STXBP4: variants seen among roughly 807,000 people sequenced by gnomAD.
STXBP4 encodes the protein syntaxin binding protein 4, also known as syntaxin-binding protein 4.
In STXBP4, 55 loss-of-function variants were observed where a neutral mutation model predicts 76.1. That is an observed-to-expected ratio of 0.72 (90% CI 0.58 to 0.91). The LOEUF is 0.91. STXBP4 is among the 40% of genes least tolerant of loss of function. The pLI is 0.00. For synonymous variants in STXBP4, 201 were observed against 220.2 expected, an observed-to-expected ratio of 0.91 and a Z score of 0.77; for missense variants, 618 against 636.9, an observed-to-expected ratio of 0.97 and a Z score of 0.32.
chr17:55,036,370 A>G (rs2078602339), intron 10 of STXBP4, among the ~76,000 whole-genome samples: 2 of 150,242 alleles, frequency 1.3e-5, no homozygotes, highest in Non-Finnish European at 3.0e-5. Flanking sequence ...TATCTTATAT[A>G]TTTTTAATTA....
At position 54,986,115 on chromosome 17, in the gene STXBP4, A is replaced by G. The variant is rs1359935206; in HGVS notation, c.-78-27A>G. ...AATTTGACAGTTCTAAGACCTGACAATTTATTTTCTACTTCTTCAATCCTA... is the reference window on the plus strand; with the variant it reads ...AATTTGACAGTTCTAAGACCTGACAGTTTATTTTCTACTTCTTCAATCCTA... On this transcript the variant is annotated intron_variant, in intron 2 of 17. Coordinates refer to ENST00000376352, the MANE Select transcript of STXBP4 (RefSeq NM_178509.6). 10 of 988,628 alleles carry G rather than the reference A, an allele frequency of 1.0e-5. No individual in the cohort carries two copies. The African/African-American group carries it at 1.6e-4, about 16-fold the overall frequency. 61.2% of individuals were successfully genotyped at this position (988,628 alleles called of 1,614,324 possible).
chr17:55,130,204 C>A (rs930474932), intron 16 of STXBP4, among the ~76,000 whole-genome samples: 3 of 152,164 alleles, frequency 2.0e-5, no homozygotes, highest in Non-Finnish European at 4.4e-5. Context: ...TAAAAACTTA[C>A]CCCAGCTGAC....
Position 55,171,285 on chromosome 17 carries a change from T to C in STXBP4, c.*11374T>C, listed in dbSNP as rs1282001847. On this transcript the variant is annotated 3_prime_UTR_variant, in exon 18 of 18. Transcript: ENST00000376352. ...ACAAAATCCTAGAATTGAGGTGAAT[T>C]TGTAAGTTCCTCTAGTCCAACCACC... 1 of 152,202 alleles carries C rather than the reference T, an allele frequency of 6.6e-6. No individual in the cohort carries two copies. The highest frequency in any genetic ancestry group is 6.5e-5 in the Admixed American group (1 of 15,278). 9.4% of individuals were successfully genotyped at this position (152,202 alleles called of 1,614,324 possible). A position where few individuals can be genotyped will look rare whatever the true frequency, so the allele number is the denominator to read the frequency against.
intron 8 of STXBP4, among the ~76,000 whole-genome samples, chr17:55,029,558 T>C (rs1290945151): frequency 1.3e-5 from 2 of 151,410 alleles, no homozygotes; most frequent in Non-Finnish European, 3.0e-5. Flanking sequence ...ATACAGAAGC[T>C]AAAAATCATT....
intron 16 of STXBP4, among the ~76,000 whole-genome samples, chr17:55,126,099 C>T (rs567808579): frequency 7.2e-5 from 11 of 152,128 alleles, no homozygotes; most frequent in African/African-American, 2.6e-4. Flanking sequence ...AATGACCTGC[C>T]AAAACAAAAA....
the STXBP4 span, among the ~76,000 whole-genome samples, chr17:55,184,630 T>G: frequency 1.1e-4 from 17 of 152,352 alleles, 1 homozygote; most frequent in East Asian, 3.3e-3. Flanking sequence ...GAGTATTCTT[T>G]AAAGTAATCT....
chr17:55,094,308 G>T (rs190712385), intron 16 of STXBP4, among the ~76,000 whole-genome samples: 1 of 152,174 alleles, frequency 6.6e-6, no homozygotes, highest in African/African-American at 2.4e-5. Context: ...TTTATTTTAA[G>T]TGTCGTAGGA....
chr17:55,196,159 A>C, the STXBP4 span, among the ~76,000 whole-genome samples: 1 of 152,192 alleles, frequency 6.6e-6, no homozygotes, highest in Non-Finnish European at 1.5e-5. Flanking sequence ...TGGTAGTCTC[A>C]GGAGAGCTGG....
chr17:55,019,337 T>C (rs1360730356), intron 8 of STXBP4, among the ~76,000 whole-genome samples: 1 of 152,182 alleles, frequency 6.6e-6, no homozygotes, highest in Non-Finnish European at 1.5e-5. Flanking sequence ...TTGCTATTCT[T>C]TTAGTGATTT....
intron 16 of STXBP4, among the ~76,000 whole-genome samples, chr17:55,129,814 A>G (rs2079955449): frequency 6.6e-6 from 1 of 152,212 alleles, no homozygotes; most frequent in Admixed American, 6.5e-5. Context: ...CCTGGTGTAC[A>G]CACACCTTCT....
chr17:55,017,073 G>T (rs569785507), intron 8 of STXBP4, among the ~76,000 whole-genome samples: 19 of 152,288 alleles, frequency 1.2e-4, no homozygotes, highest in Non-Finnish European at 2.1e-4. Context: ...GGTAGTATTG[G>T]AGTGTTATAG....
At chr17:55,107,482 G>T (rs191144266) in intron 16 of STXBP4, among the ~76,000 whole-genome samples, 1 of 152,296 alleles carries the variant, frequency 6.6e-6, no homozygotes, top group African/African-American at 2.4e-5. Flanking sequence ...TTCCCTTGCT[G>T]GTGAGGAGTT....
At chr17:55,016,454 G>T (rs576137219) in intron 8 of STXBP4, among the ~76,000 whole-genome samples, 1 of 152,180 alleles carries the variant, frequency 6.6e-6, no homozygotes. Flanking sequence ...ATTCGTTTCA[G>T]AGAGGGTGTA....
intron 8 of STXBP4, among the ~76,000 whole-genome samples, chr17:55,018,744 A>G (rs1319752411): frequency 1.3e-5 from 2 of 152,178 alleles, no homozygotes; most frequent in African/African-American, 2.4e-5. Flanking sequence ...TACATTCTCA[A>G]GGATGGGGAG....
At chr17:55,084,908 A>G (rs957698404) in intron 16 of STXBP4, among the ~76,000 whole-genome samples, 1 of 152,208 alleles carries the variant, frequency 6.6e-6, no homozygotes, top group South Asian at 2.1e-4. Context: ...ACACATGCAC[A>G]TGTATGTTTA....
At chr17:55,016,154 C>A (rs1241776479) in intron 8 of STXBP4, among the ~76,000 whole-genome samples, 4 of 152,176 alleles carry the variant, frequency 2.6e-5, no homozygotes, top group African/African-American at 9.6e-5. Context: ...AGTCCTAGAG[C>A]GTCCTTTATG....
intron 7 of STXBP4, among the ~76,000 whole-genome samples, chr17:55,003,822 C>T (rs2144517000): frequency 6.6e-6 from 1 of 152,154 alleles, no homozygotes; most frequent in East Asian, 1.9e-4. Context: ...TTGAATAACA[C>T]ATGAGTTTGT....
intron 16 of STXBP4, among the ~76,000 whole-genome samples, chr17:55,135,095 GT>G (rs1269558471): frequency 6.6e-6 from 1 of 152,128 alleles, no homozygotes; most frequent in African/African-American, 2.4e-5. Context: ...GAAAATGAAT[GT>G]TGGCATTTCC....
intron 1 of STXBP4, among the ~76,000 whole-genome samples, chr17:54,971,336 C>CAA (rs1213316163): frequency 6.6e-6 from 1 of 152,202 alleles, no homozygotes; most frequent in Non-Finnish European, 1.5e-5. Flanking sequence ...ACTTGTTTCT[C>CAA]AAAGTGCTGA....
Sources: allele counts gnomAD v4.1 joint callset (sites outside exome capture counted in the v4.1 genomes callset), GRCh38; gene constraint gnomAD v4.1.1; transcripts MANE v1.5; gene names NCBI Gene and HGNC (gene_info 2026-07-23, HGNC 2026-07-21).